Variants in KCNJ12 observed in about 807,000 individuals in gnomAD.
KCNJ12 encodes the protein potassium inwardly rectifying channel subfamily J member 12.
A neutral mutation model predicts 22.3 loss-of-function variants in KCNJ12; 2 were observed. That is an observed-to-expected ratio of 0.09 (90% CI 0.04 to 0.28). The LOEUF (loss-of-function observed/expected upper bound fraction) is 0.28, where lower values mean the gene tolerates loss of function less well. Ranked by LOEUF, KCNJ12 falls within the 10% of genes least tolerant of loss-of-function variation. The pLI is 1.00. For missense variants in KCNJ12, 155 were observed against 633.3 expected (o/e 0.24, Z 8.11); for synonymous variants, 117 against 261.4 (o/e 0.45, Z 5.33).
At chr17:21,415,192 G>T (rs1295386497) in intron 2 of KCNJ12, 95 bp from the exon 3 acceptor site, 3 of 1,329,956 alleles carry the variant, frequency 2.3e-6, no homozygotes, top group Non-Finnish European at 3.1e-6. Context: ...AATCAGGGTG[G>T]AAGCGTCCTC....
intron 1 of KCNJ12, among the ~76,000 whole-genome samples, chr17:21,383,803 G>A (rs1391920185): frequency 6.6e-6 from 1 of 152,210 alleles, no homozygotes; most frequent in Non-Finnish European, 1.5e-5. Flanking sequence ...TGGGGATGTG[G>A]CCTGCACAAG....
chr17:21,397,445 T>A (rs1374014626), intron 1 of KCNJ12, among the ~76,000 whole-genome samples: 1 of 152,202 alleles, frequency 6.6e-6, no homozygotes, highest in Non-Finnish European at 1.5e-5. Flanking sequence ...CGTGCACTCT[T>A]GTCTGATGAA....
chr17:21,410,502 A>G (rs1906260731), intron 2 of KCNJ12, among the ~76,000 whole-genome samples: 1 of 152,252 alleles, frequency 6.6e-6, no homozygotes, highest in African/African-American at 2.4e-5. Context: ...GCATTGAGTG[A>G]TCTCTGAGGG....
At chr17:21,406,681 A>G (rs1905959146) in intron 1 of KCNJ12, among the ~76,000 whole-genome samples, 3 of 152,310 alleles carry the variant, frequency 2.0e-5, no homozygotes, top group African/African-American at 4.8e-5. Flanking sequence ...TGGGATTTGA[A>G]TCTAGGTCTG....
intron 1 of KCNJ12, among the ~76,000 whole-genome samples, chr17:21,396,910 G>T (rs1335268701): frequency 6.6e-6 from 1 of 152,196 alleles, no homozygotes; most frequent in Non-Finnish European, 1.5e-5. Flanking sequence ...GCTCTGGCCG[G>T]GGGTCATCGT....
chr17:21,387,632 AG>A (rs1464742747), intron 1 of KCNJ12, among the ~76,000 whole-genome samples: 43 of 151,962 alleles, frequency 2.8e-4, no homozygotes, highest in Non-Finnish European at 1.3e-4. Context: ...CCCCTGTCGG[AG>A]GGTGTGGGAG....
rs60340150 is a variant in KCNJ12, at chr17:21,407,622, C to T, written c.-178-897C>T. ...ATCCATCCATCCACCCATTCACCCA[C>T]CTATCCCTCCATTCATTCATCTACC... On this transcript the variant is annotated intron_variant, in intron 1 of 2. Transcript: ENST00000583088. 6.2e-3 allele frequency among the ~76,000 whole-genome samples: 771 copies of T among 123,980 alleles called. 8 individuals are homozygous for T. Among genetic ancestry groups the T allele is most frequent in the African/African-American group, 0.021 (682 of 32,888 alleles). The allele number at this position is 123,980 out of a possible 152,430, so 81.3% of individuals were successfully genotyped here.
chr17:21,378,154 A>G (rs7215815), intron 1 of KCNJ12, among the ~76,000 whole-genome samples: 102,759 of 152,124 alleles, frequency 0.68, 35,241 homozygotes, highest in African/African-American at 0.8. Flanking sequence ...GCCAAAGGAG[A>G]GCCGGTCCCT....
intron 1 of KCNJ12, among the ~76,000 whole-genome samples, chr17:21,381,912 G>C: frequency 6.6e-6 from 1 of 152,260 alleles, no homozygotes. Context: ...GGCTGCTTCA[G>C]CCAGGCCTGG....
chr17:21,396,374 C>T (rs967219289), intron 1 of KCNJ12, among the ~76,000 whole-genome samples: 14 of 152,184 alleles, frequency 9.2e-5, no homozygotes, highest in Non-Finnish European at 1.6e-4. Context: ...ACTTTGCAGA[C>T]GACGTTGATG....
intron 2 of KCNJ12, 57 bp downstream of exon 2, chr17:21,408,697 T>G (rs1232540269): frequency 6.6e-6 from 1 of 152,346 alleles, no homozygotes; most frequent in Non-Finnish European, 1.5e-5. Flanking sequence ...TCCACCAGAC[T>G]CTCATCTGTA....
chr17:21,408,016 T>TCCATCCATCCATCCATCCATCCAC (rs2142069972), intron 1 of KCNJ12, among the ~76,000 whole-genome samples: 2 of 152,322 alleles, frequency 1.3e-5, no homozygotes, highest in South Asian at 4.1e-4. Flanking sequence ...CATCCATCCA[T>TCCATCCATCCATCCATCCATCCAC]CCATCCACCC....
chr17:21,415,110 G>T (rs36108538), intron 2 of KCNJ12, among the ~76,000 whole-genome samples, 177 bp from the exon 3 acceptor site: 8 of 152,244 alleles, frequency 5.3e-5, no homozygotes, highest in East Asian at 1.9e-4. Flanking sequence ...GGGCCCGAAG[G>T]GGGTGGCCAT....
rs1424201193 is a variant in KCNJ12, at chr17:21,407,026, A to C, written c.-178-1493A>C. Among the ~76,000 whole-genome samples the C allele has an allele frequency of 2.5e-4, 38 of 152,380 alleles. No homozygotes were observed. The East Asian group carries it at 6.6e-3, about 26-fold the overall frequency. On this transcript the variant is annotated intron_variant, in intron 1 of 2. Transcript: ENST00000583088. ...GACCATGTAGGATGTATGTGTACCCAAGGCAAATCTCTGGCAAATTACTGA... is the reference window on the plus strand; with the variant it reads ...GACCATGTAGGATGTATGTGTACCCCAGGCAAATCTCTGGCAAATTACTGA...
intron 1 of KCNJ12, among the ~76,000 whole-genome samples, chr17:21,379,679 T>C (rs1046626620): frequency 4.7e-5 from 7 of 149,814 alleles, no homozygotes; most frequent in Non-Finnish European, 1.0e-4. Context: ...TGCCGGGAAC[T>C]GGCAGCGTGA....
intron 1 of KCNJ12, among the ~76,000 whole-genome samples, chr17:21,403,887 C>T: frequency 6.6e-6 from 1 of 152,306 alleles, no homozygotes. Flanking sequence ...GGGATGGAGA[C>T]AGGATTTGAA....
At chr17:21,396,050 C>G (rs782427608) in intron 1 of KCNJ12, among the ~76,000 whole-genome samples, 6 of 152,212 alleles carry the variant, frequency 3.9e-5, no homozygotes, top group Non-Finnish European at 8.8e-5. Context: ...CCTGCTGTAC[C>G]TGGGTCCCTG....
chr17:21,411,099 G>A (rs1432686573), intron 2 of KCNJ12, among the ~76,000 whole-genome samples: 2 of 152,426 alleles, frequency 1.3e-5, no homozygotes, highest in South Asian at 2.1e-4. Context: ...CTTTCTTGGT[G>A]TCTGGGAATG....
intron 1 of KCNJ12, among the ~76,000 whole-genome samples, chr17:21,397,611 G>T (rs564039326): frequency 6.6e-6 from 1 of 152,334 alleles, no homozygotes; most frequent in African/African-American, 2.4e-5. Context: ...CACTGGCCAC[G>T]GGCAGCGTGT....
Sources: allele counts gnomAD v4.1 joint callset (sites outside exome capture counted in the v4.1 genomes callset), GRCh38; gene constraint gnomAD v4.1.1; transcripts MANE v1.5; gene names NCBI Gene and HGNC (gene_info 2026-07-23, HGNC 2026-07-21).